The following FRMD4A variants were observed in gnomAD, a reference collection of about 807,000 sequenced individuals.
FRMD4A encodes FERM domain containing 4A.
A neutral mutation model predicts 129.1 loss-of-function variants in FRMD4A; 29 were observed. That is an observed-to-expected ratio of 0.22 (90% CI 0.17 to 0.31). The LOEUF is 0.31. Ranked by LOEUF, FRMD4A falls within the 10% of genes least tolerant of loss-of-function variation. The pLI is 1.00. For synonymous variants in FRMD4A, 634 were observed against 571.6 expected (o/e 1.11, Z -1.56); for missense variants, 1,272 against 1,375.8 (o/e 0.92, Z 1.19).
At chr10:13,984,771 G>A (rs531833433) in intron 2 of FRMD4A, among the ~76,000 whole-genome samples, 64 of 152,248 alleles carry the variant, frequency 4.2e-4, no homozygotes, top group South Asian at 1.7e-3. Flanking sequence ...ATCCATCAGC[G>A]GGCACTTGGG....
chr10:14,004,179 G>A (rs55786788), intron 2 of FRMD4A, among the ~76,000 whole-genome samples: 58,164 of 152,116 alleles, frequency 0.38, 13,624 homozygotes, highest in Non-Finnish European at 0.54. Context: ...TTTAGCAAGC[G>A]AATAGCCCTA....
At chr10:13,880,439 T>G (rs2094533974) in intron 2 of FRMD4A, among the ~76,000 whole-genome samples, 2 of 152,242 alleles carry the variant, frequency 1.3e-5, no homozygotes, top group Non-Finnish European at 2.9e-5. Flanking sequence ...GTCTGGATTC[T>G]TGCAAATGTG....
chr10:14,002,485 T>C (rs996780257), intron 2 of FRMD4A, among the ~76,000 whole-genome samples: 15 of 152,162 alleles, frequency 9.9e-5, no homozygotes, highest in Middle Eastern at 3.2e-3. Context: ...GCTGTTCCAG[T>C]GTAGGTCTTA....
At chr10:14,048,817 GA>G (rs1834104235) in intron 2 of FRMD4A, among the ~76,000 whole-genome samples, 1 of 118,654 alleles carries the variant, frequency 8.4e-6, no homozygotes, top group African/African-American at 3.7e-5. Flanking sequence ...AAATAAAATA[GA>G]ATAGATTAGA....
intron 2 of FRMD4A, among the ~76,000 whole-genome samples, chr10:14,294,727 TC>T: frequency 6.6e-6 from 1 of 152,230 alleles, no homozygotes. Flanking sequence ...CTAAATCCGC[TC>T]AGCAAGATTC....
chr10:14,284,177 T>G (rs1361441267), intron 2 of FRMD4A, among the ~76,000 whole-genome samples: 2 of 152,178 alleles, frequency 1.3e-5, no homozygotes, highest in African/African-American at 2.4e-5. Context: ...TAGCAGGAAC[T>G]CAAGAAATAT....
At chr10:13,668,907 C>T (rs2083279022) in intron 17 of FRMD4A, among the ~76,000 whole-genome samples, 1 of 152,102 alleles carries the variant, frequency 6.6e-6, no homozygotes, top group African/African-American at 2.4e-5. Flanking sequence ...CTGCATCTCC[C>T]CTACAAGCAA....
At chr10:13,985,448 T>A (rs1009312866) in intron 2 of FRMD4A, among the ~76,000 whole-genome samples, 1 of 152,298 alleles carries the variant, frequency 6.6e-6, no homozygotes, top group East Asian at 1.9e-4. Flanking sequence ...TCTAGACTCA[T>A]TTAAATCTCC....
At chr10:14,147,859 C>T (rs1840154354) in intron 2 of FRMD4A, among the ~76,000 whole-genome samples, 1 of 152,172 alleles carries the variant, frequency 6.6e-6, no homozygotes, top group African/African-American at 2.4e-5. Flanking sequence ...TGGTACCACA[C>T]ACTGCCTAGA....
At chr10:14,294,328 A>C (rs1014847444) in intron 2 of FRMD4A, among the ~76,000 whole-genome samples, 2 of 152,256 alleles carry the variant, frequency 1.3e-5, no homozygotes, top group Admixed American at 6.5e-5. Flanking sequence ...CACAGACCAG[A>C]GGTCCAAACT....
intron 2 of FRMD4A, among the ~76,000 whole-genome samples, chr10:14,227,379 GTA>G (rs1843480982): frequency 6.7e-6 from 1 of 149,456 alleles, no homozygotes; most frequent in Non-Finnish European, 1.5e-5. Flanking sequence ...AGCATCCTGA[GTA>G]GCTGAGATTA....
At chr10:13,665,623 A>G (rs1005183404) in intron 18 of FRMD4A, among the ~76,000 whole-genome samples, 2 of 152,120 alleles carry the variant, frequency 1.3e-5, no homozygotes, top group African/African-American at 2.4e-5. Flanking sequence ...CCCAAGCTTC[A>G]GCTCTTGGGA....
rs532591869 is a variant in FRMD4A at position 13,782,753 on chromosome 10, T to C, written c.384+169A>G. ...CAGCGCGCCGGGTCAGGAATCACATTATTAAATGGTGCCGTTAGCTTCATA... is the reference window on the plus strand; with the variant it reads ...CAGCGCGCCGGGTCAGGAATCACATCATTAAATGGTGCCGTTAGCTTCATA... On this transcript the variant is annotated intron_variant, in intron 6 of 24. Coordinates refer to ENST00000357447, the MANE Select transcript of FRMD4A (RefSeq NM_018027.5). Among the ~76,000 whole-genome samples, 233 of 152,346 alleles carry C rather than the reference T, an allele frequency of 1.5e-3. 1 individual carries two copies. The highest frequency in any genetic ancestry group is 2.4e-3 in the Non-Finnish European group (162 of 68,034).
At chr10:14,190,800 G>A (rs1057149185) in intron 2 of FRMD4A, among the ~76,000 whole-genome samples, 10 of 152,228 alleles carry the variant, frequency 6.6e-5, no homozygotes, top group Admixed American at 6.5e-4. Flanking sequence ...TTTTTTAATG[G>A]AAAAGTTTCA....
intron 8 of FRMD4A, among the ~76,000 whole-genome samples, chr10:13,761,324 C>A (rs186109389): frequency 6.6e-6 from 1 of 152,248 alleles, no homozygotes; most frequent in Non-Finnish European, 1.5e-5. Flanking sequence ...CATATTTACA[C>A]CACAGTGGTG....
chr10:13,891,897 C>T (rs2131165824), intron 2 of FRMD4A: 1 of 258,690 alleles, frequency 3.9e-6, no homozygotes, highest in Middle Eastern at 2.1e-3. Context: ...GCCCGGCCCG[C>T]CGCATGGTGC....
At chr10:13,969,933 G>A (rs1259301776) in intron 2 of FRMD4A, among the ~76,000 whole-genome samples, 2 of 152,208 alleles carry the variant, frequency 1.3e-5, no homozygotes, top group Non-Finnish European at 2.9e-5. Context: ...TGTAATCACT[G>A]GAAAGACAGA....
chr10:13,881,988 A>AGG (rs1241470573), intron 2 of FRMD4A, among the ~76,000 whole-genome samples: 12 of 10,722 alleles, frequency 1.1e-3, no homozygotes, highest in African/African-American at 1.8e-3. Flanking sequence ...GGGAGAGGCA[A>AGG]GGGTGTGTGT....
chr10:13,967,232 G>T (rs1361658321), intron 2 of FRMD4A, among the ~76,000 whole-genome samples: 2 of 152,234 alleles, frequency 1.3e-5, no homozygotes, highest in African/African-American at 4.8e-5. Flanking sequence ...AGCTGCTGGG[G>T]AGGCTGAGGC....
Sources: gnomAD v4.1 joint callset for allele counts (sites outside exome capture counted in the v4.1 genomes callset) on GRCh38, gnomAD v4.1.1 for gene constraint, MANE v1.5 for transcripts, NCBI Gene and HGNC (gene_info 2026-07-23, HGNC 2026-07-21) for gene names.